The following IKZF4 variants were observed in gnomAD, a reference collection of about 807,000 sequenced individuals.
IKZF4 encodes IKAROS family zinc finger 4, also known as zinc finger protein Eos.
A neutral mutation model predicts 47.7 loss-of-function variants in IKZF4; 11 were observed. That is an observed-to-expected ratio of 0.23 (90% CI 0.15 to 0.38). The LOEUF (loss-of-function observed/expected upper bound fraction) is 0.38, where lower values mean the gene tolerates loss of function less well. Ranked by LOEUF, IKZF4 falls within the 10% of genes least tolerant of loss-of-function variation. The pLI is 1.00. For synonymous variants in IKZF4, 298 were observed against 299.4 expected (o/e 1.00, Z 0.05); for missense variants, 557 against 784.9 (o/e 0.71, Z 3.47).
At chr12:56,015,211 G>A (rs541770164) in intron 2 of IKZF4, among the ~76,000 whole-genome samples, 5 of 151,992 alleles carry the variant, frequency 3.3e-5, no homozygotes, top group Non-Finnish European at 7.4e-5. Flanking sequence ...TGAGTAGCTG[G>A]GATTACGGGC....
Position 56,036,625 on chromosome 12 carries a change from TTG to T in IKZF4, c.*1296_*1297del, listed in dbSNP as rs1240898526. 1 of 152,222 alleles carries T rather than the reference TTG, an allele frequency of 6.6e-6. No homozygotes were observed. Among genetic ancestry groups the T allele is most frequent in the Non-Finnish European group, 1.5e-5 (1 of 68,046 alleles). The allele number at this position is 152,222 out of a possible 1,614,324, so 9.4% of individuals were successfully genotyped here. On this transcript the variant is annotated 3_prime_UTR_variant, in exon 8 of 8. Transcript: ENST00000547167. ...ACGTGCCCTTCACCCCATTCCACCC[TTG>T]TTCCAGCAAGACTGGGATGGGTACA...
At chr12:56,031,673 G>A (rs1173615499) in intron 5 of IKZF4, among the ~76,000 whole-genome samples, 2 of 152,092 alleles carry the variant, frequency 1.3e-5, no homozygotes, top group African/African-American at 2.4e-5. Context: ...TATACAATAC[G>A]TTGTTTCTCT....
At chr12:56,008,255 C>T (rs1011940920) in intron 1 of IKZF4, among the ~76,000 whole-genome samples, 1 of 152,068 alleles carries the variant, frequency 6.6e-6, no homozygotes, top group Non-Finnish European at 1.5e-5. Flanking sequence ...GTGAGAAGTG[C>T]ACAGTGTAGG....
chr12:56,014,865 G>C (rs1253880713), intron 2 of IKZF4, among the ~76,000 whole-genome samples: 1 of 152,196 alleles, frequency 6.6e-6, no homozygotes, highest in Non-Finnish European at 1.5e-5. Context: ...CTTTTGAAAG[G>C]TTTAATAGAA....
chr12:56,026,739 C>T, intron 3 of IKZF4, 42 bp from the exon 4 acceptor site: 1 of 1,438,950 alleles, frequency 6.9e-7, no homozygotes, highest in Non-Finnish European at 9.2e-7. Context: ...AGCAGCTTCC[C>T]CCTTTGCCTC....
intron 7 of IKZF4, among the ~76,000 whole-genome samples, chr12:56,034,181 G>A (rs867526614): frequency 1.3e-5 from 2 of 152,152 alleles, no homozygotes; most frequent in African/African-American, 2.4e-5. Flanking sequence ...GATTACAGGC[G>A]TGAGCCACCG....
chr12:56,018,934 T>G (rs1412940134), upstream of IKZF4, among the ~76,000 whole-genome samples: 1 of 150,256 alleles, frequency 6.7e-6, no homozygotes, highest in Non-Finnish European at 1.5e-5. Context: ...AATACAAAAA[T>G]TAGGCCAGGC....
chr12:56,018,671 C>A (rs1892449418), upstream of IKZF4, among the ~76,000 whole-genome samples: 1 of 151,222 alleles, frequency 6.6e-6, no homozygotes, highest in Admixed American at 6.6e-5. Flanking sequence ...CTTAAAGGGA[C>A]AGCAGCTTTC....
At position 56,035,660 on chromosome 12, in the gene IKZF4, C is replaced by CTA; in HGVS notation, c.*329_*330insTA. 1 of 222,356 alleles carries CTA rather than the reference C, an allele frequency of 4.5e-6. No individual in the cohort carries two copies. Among genetic ancestry groups the CTA allele is most frequent in the Non-Finnish European group, 8.9e-6 (1 of 111,792 alleles). 13.8% of individuals were successfully genotyped at this position (222,356 alleles called of 1,614,324 possible). ...ACTTGCCACTCCCCCACCCTCCTGT[C>CTA]CACAACTCCTTTCCACTTTAGGCCA... On this transcript the variant is annotated 3_prime_UTR_variant, in exon 8 of 8. Transcript: ENST00000547167. The surrounding 1 kb of genome is among the most constrained non-coding windows in gnomAD (Gnocchi z 6.1).
chr12:56,015,526 TG>T (rs1219146913), intron 2 of IKZF4, among the ~76,000 whole-genome samples: 1 of 151,998 alleles, frequency 6.6e-6, no homozygotes, highest in African/African-American at 2.4e-5. Context: ...CCCGAGTAGA[TG>T]GGATTATAGG....
chr12:56,034,530 A>C (rs1391658510), intron 7 of IKZF4, 41 bp from the exon 8 acceptor site: 2 of 1,544,186 alleles, frequency 1.3e-6, no homozygotes, highest in Non-Finnish European at 1.7e-6. Context: ...GAGTGTAGGA[A>C]TTCTCCAAAC....
chr12:56,033,287 C>T lies in IKZF4; in HGVS notation c.963C>T (p.Thr321=). 16 of 1,614,028 alleles carry T rather than the reference C, an allele frequency of 9.9e-6. No homozygotes were observed. The highest frequency in any genetic ancestry group is 1.4e-5 in the Non-Finnish European group (16 of 1,179,886). The change falls in exon 7 of 8, where the codon ACC becomes ACT. Residue 321 remains threonine, a synonymous_variant. Transcript: ENST00000547167. ...TCGATCGTCTGGCCAATAGCCTCAC[C>T]AAACGCAAGCGTTCCACACCCCAGA... is the stretch of plus-strand genomic sequence containing the variant. ...TFIDRLANSL[T]KRKRSTPQKF...
In IKZF4 at chr12:56,032,548, C is replaced by T. The variant is rs757250413; in HGVS notation, c.716-13C>T. 1.1e-5 allele frequency: 18 copies of T among 1,602,260 alleles called. No homozygotes were observed. Among genetic ancestry groups the T allele is most frequent in the South Asian group, 2.2e-5 (2 of 89,726 alleles). On this transcript the variant is annotated splice_polypyrimidine_tract_variant and intron_variant, in intron 5 of 7. Transcript: ENST00000547167. ...AAATAGCTCTGATGCCATCTTTCCACTCTCCTCCACAGTCTCCTCTCCCAC... is the reference window on the plus strand; with the variant it reads ...AAATAGCTCTGATGCCATCTTTCCATTCTCCTCCACAGTCTCCTCTCCCAC...
chr12:56,021,687 G>GCT (rs1163103274), intron 1 of IKZF4, 107 bp downstream of exon 1: 5 of 1,005,940 alleles, frequency 5.0e-6, no homozygotes, highest in Non-Finnish European at 7.1e-6. Context: ...GAGGATGGGG[G>GCT]CTGTGTGTGT....
chr12:56,017,223 T>TCCACCC (rs1565812728), upstream of IKZF4, among the ~76,000 whole-genome samples: 2 of 122,438 alleles, frequency 1.6e-5, no homozygotes, highest in Admixed American at 1.8e-4. Flanking sequence ...AAATTCAGAC[T>TCCACCC]CCCCCCCCGC....
chr12:56,026,311 A>T (rs568661609), intron 3 of IKZF4, among the ~76,000 whole-genome samples: 3 of 152,030 alleles, frequency 2.0e-5, no homozygotes, highest in Admixed American at 2.0e-4. Context: ...TAGGATTCTG[A>T]TATCAGCAGC....
intron 2 of IKZF4, 168 bp from the exon 3 acceptor site, chr12:56,024,886 C>A: frequency 6.7e-7 from 1 of 1,495,416 alleles, no homozygotes; most frequent in Non-Finnish European, 8.9e-7. Flanking sequence ...ACCAGGCATC[C>A]AGACTGGCGG....
At chr12:56,021,005 C>T, upstream of IKZF4, 1 of 1,038,556 alleles carries the variant, frequency 9.6e-7, no homozygotes, top group Non-Finnish European at 1.2e-6. Flanking sequence ...CTCCCTCCCA[C>T]CCGCAGGCCC....
upstream of IKZF4, among the ~76,000 whole-genome samples, chr12:56,017,223 T>TCCCCCCCCCCCCCCCCCC (rs143740090): frequency 8.2e-6 from 1 of 122,438 alleles, no homozygotes; most frequent in African/African-American, 3.3e-5. Context: ...AAATTCAGAC[T>TCCCCCCCCCCCCCCCCCC]CCCCCCCCGC....
Sources: gnomAD v4.1 joint callset for allele counts (sites outside exome capture counted in the v4.1 genomes callset) on GRCh38, gnomAD v4.1.1 for gene constraint, Gnocchi (gnomAD v3.1) non-coding constraint, MANE v1.5 for transcripts, NCBI Gene and HGNC (gene_info 2026-07-23, HGNC 2026-07-21) for gene names.